The following NTRK1 variants were observed in gnomAD, a reference collection of about 807,000 sequenced individuals.
NTRK1 encodes high affinity nerve growth factor receptor.
NTRK1 carries 62 observed loss-of-function variants against 86.8 expected under a neutral mutation model. The observed-to-expected ratio is 0.71, with a 90% CI of 0.58 to 0.88. The LOEUF (loss-of-function observed/expected upper bound fraction) is 0.88. NTRK1 is among the 40% of genes least tolerant of loss of function. The pLI is 0.00. For synonymous variants in NTRK1, 469 were observed against 456.6 expected, an observed-to-expected ratio of 1.03 and a Z score of -0.35; for missense variants, 967 against 1,078.4, an observed-to-expected ratio of 0.90 and a Z score of 1.45.
chr1:156,881,717 C>A lies in NTRK1; in HGVS notation c.*75C>A, dbSNP rs2102931998. 3 of 1,425,100 alleles carry A rather than the reference C, an allele frequency of 2.1e-6. No individual in the cohort carries two copies. The highest frequency in any genetic ancestry group is 2.8e-6 in the Non-Finnish European group (3 of 1,057,736). 88.3% of individuals were successfully genotyped at this position (1,425,100 alleles called of 1,614,324 possible). ...CCTCAGCATCCCCCATAGCTCCCAG[C>A]AGCCCCAGGGTGATCTCAAAGTATC... On this transcript the variant is annotated 3_prime_UTR_variant, in exon 17 of 17. Coordinates refer to ENST00000524377, the MANE Select transcript of NTRK1 (RefSeq NM_002529.4).
rs1344237934 is a variant in NTRK1 at position 156,840,707 on chromosome 1, C to A, written c.-63-1374C>A. On this transcript the variant is annotated intron_variant, in intron 1 of 16. Transcript: ENST00000392302. Reference sequence around the variant, plus strand: ...AGTCTGAGAAACTCCTATGGTGAGACCCCTCTGCCCACCCCCACAGCCTTC... The same window carrying A: ...AGTCTGAGAAACTCCTATGGTGAGAACCCTCTGCCCACCCCCACAGCCTTC... 1.7e-5 allele frequency: 11 copies of A among 633,478 alleles called. No homozygotes were observed. In the South Asian group the frequency reaches 1.9e-4, roughly 11 times the overall value. 39.2% of individuals were successfully genotyped at this position (633,478 alleles called of 1,614,324 possible).
intron 14 of NTRK1, among the ~76,000 whole-genome samples, 181 bp from the exon 15 acceptor site, chr1:156,878,941 C>T (rs1648080045): frequency 1.3e-5 from 2 of 152,120 alleles, no homozygotes; most frequent in African/African-American, 4.8e-5. Flanking sequence ...TGGAGGTGGG[C>T]ACACCTGTTC....
chr1:156,871,874 TC>T, intron 7 of NTRK1, 119 bp downstream of exon 7: 2 of 1,365,210 alleles, frequency 1.5e-6, no homozygotes, highest in Non-Finnish European at 2.0e-6. Context: ...AGCTGCTCCC[TC>T]CCAGCTGTTT....
intron 1 of NTRK1, among the ~76,000 whole-genome samples, chr1:156,820,553 A>G (rs1042360406): frequency 9.9e-5 from 15 of 152,112 alleles, no homozygotes; most frequent in South Asian, 6.2e-4. Flanking sequence ...AGCCCCCCCA[A>G]TGTATGTTTT....
At chr1:156,876,703 C>CG in intron 14 of NTRK1, 131 bp downstream of exon 14, 1 of 1,147,456 alleles carries the variant, frequency 8.7e-7, no homozygotes. Context: ...GGCACATTCC[C>CG]GTCCCCAGGG....
chr1:156,842,356 C>A (rs1161726535), intron 2 of NTRK1: 2 of 1,612,458 alleles, frequency 1.2e-6, no homozygotes, highest in Non-Finnish European at 1.7e-6. Context: ...CCACACTGTG[C>A]CCAACCCTTC....
chr1:156,861,263 G>C, intron 1 of NTRK1, 117 bp downstream of exon 1: 1 of 1,227,360 alleles, frequency 8.1e-7, no homozygotes, highest in Non-Finnish European at 1.1e-6. Context: ...CGGAAGGCTG[G>C]CACCACGCAG....
upstream of NTRK1, chr1:156,858,477 T>C (rs1295755110): frequency 1.5e-5 from 20 of 1,332,312 alleles, no homozygotes; most frequent in Non-Finnish European, 2.2e-5. Flanking sequence ...GCTCAGTTTT[T>C]TGGCCTCCCA....
At chr1:156,833,511 C>T (rs1011360517) in intron 1 of NTRK1, among the ~76,000 whole-genome samples, 4 of 151,492 alleles carry the variant, frequency 2.6e-5, no homozygotes, top group Non-Finnish European at 4.4e-5. Flanking sequence ...GAGCTGAAAT[C>T]GCACCACTGC....
intron 1 of NTRK1, chr1:156,841,985 AGGGTGGG>A: frequency 6.4e-7 from 1 of 1,555,120 alleles, no homozygotes; most frequent in Non-Finnish European, 8.8e-7. Flanking sequence ...ACTAAGATAC[AGGGTGGG>A]GGTGACTTGC....
At chr1:156,844,689 G>T (rs1654925461) in intron 2 of NTRK1, 1 of 1,613,680 alleles carries the variant, frequency 6.2e-7, no homozygotes, top group Non-Finnish European at 8.5e-7. Flanking sequence ...CTGGGACGGG[G>T]GTCCCACGGG....
chr1:156,842,213 A>C (rs1483213055), intron 2 of NTRK1: 1 of 1,613,898 alleles, frequency 6.2e-7, no homozygotes, highest in Non-Finnish European at 8.5e-7. Context: ...GCCGTCTGCA[A>C]TCTCACCAGC....
intron 8 of NTRK1, 197 bp from the exon 9 acceptor site, chr1:156,874,186 T>G (rs1441013543): frequency 4.2e-6 from 4 of 942,874 alleles, no homozygotes; most frequent in Non-Finnish European, 6.7e-6. Context: ...GAGACAGCCA[T>G]GCAGCAGGGC....
chr1:156,846,292 C>T (rs923818451), intron 2 of NTRK1, among the ~76,000 whole-genome samples: 1 of 152,050 alleles, frequency 6.6e-6, no homozygotes, highest in Non-Finnish European at 1.5e-5. Flanking sequence ...CCTTCTCTGC[C>T]ATAGGCCCTT....
At chr1:156,845,867 A>G in intron 2 of NTRK1, 1 of 1,601,156 alleles carries the variant, frequency 6.2e-7, no homozygotes, top group South Asian at 1.1e-5. Flanking sequence ...CCCGCCTCTG[A>G]TCCCCCCCAC....
intron 7 of NTRK1, among the ~76,000 whole-genome samples, chr1:156,873,356 C>T (rs2102903879): frequency 6.6e-6 from 1 of 152,250 alleles, no homozygotes; most frequent in South Asian, 2.1e-4. Flanking sequence ...GCTGATACCC[C>T]ACTCCTGTGG....
intron 1 of NTRK1, chr1:156,816,062 T>C (rs1286684654): frequency 6.2e-7 from 1 of 1,613,868 alleles, no homozygotes; most frequent in Non-Finnish European, 8.5e-7. Context: ...ATCTGGAAGG[T>C]GCTGAAGGTT....
At chr1:156,859,653 G>A (rs1019636173), upstream of NTRK1, among the ~76,000 whole-genome samples, 2 of 152,128 alleles carry the variant, frequency 1.3e-5, no homozygotes, top group African/African-American at 4.8e-5. The surrounding 1 kb of genome is among the most constrained non-coding windows in gnomAD (Gnocchi z 6.2). Flanking sequence ...CGATCACTGT[G>A]TAGGGCTCTG....
chr1:156,875,008 C>T lies in NTRK1; in HGVS notation c.1354C>T (p.Arg452Cys), dbSNP rs34900547. The change falls in exon 11 of 17, where the codon CGC (arginine) becomes TGC (cysteine). Residue 452 changes from arginine to cysteine, a missense_variant and splice_region_variant. This residue lies in a region of NTRK1 where 637 missense variants were observed against 776.5 expected (regional missense o/e 0.82). Transcript: ENST00000524377. ...ACGGAGAAACAAGTTTGGGATCAACCGTGAGTCGGGGCTGCAGAGGGCTGT... is the reference window on the plus strand; with the variant it reads ...ACGGAGAAACAAGTTTGGGATCAACTGTGAGTCGGGGCTGCAGAGGGCTGT... ...CGRRNKFGIN[R>C]PAVLAPEDGL... is the part of the protein sequence containing the mutation. The T allele has an allele frequency of 1.3e-4, 206 of 1,607,344 alleles. No individual in the cohort carries two copies. Among genetic ancestry groups the T allele is most frequent in the Non-Finnish European group, 1.6e-4 (185 of 1,174,084 alleles).
Sources: allele counts gnomAD v4.1 joint callset (sites outside exome capture counted in the v4.1 genomes callset), GRCh38; gene constraint gnomAD v4.1.1; regional missense constraint gnomAD v4.1.1; non-coding constraint Gnocchi (gnomAD v3.1); transcripts MANE v1.5; gene names NCBI Gene and HGNC (gene_info 2026-07-23, HGNC 2026-07-21).